NBPF20: variants seen among roughly 807,000 people sequenced by gnomAD.
The protein encoded by NBPF20 is NBPF family member NBPF20.
In NBPF20, 90 loss-of-function variants were observed where a neutral mutation model predicts 68.1. The ratio of observed to expected loss-of-function variants is 1.32; its 90% CI spans 1.11 to 1.58. The LOEUF is 1.58. Among genes scored for constraint, NBPF20 ranks in the 40% most tolerant of loss-of-function variants. The pLI is 0.00. For missense variants in NBPF20, 816 were observed against 601.2 expected (o/e 1.36, Z -3.74); for synonymous variants, 290 against 228.1 (o/e 1.27, Z -2.45).
intron 9 of NBPF20, 44 bp from the exon 15 acceptor site, chr1:145,393,290 G>C: frequency 3.0e-6 from 2 of 668,802 alleles, no homozygotes; most frequent in Non-Finnish European, 5.4e-6. Flanking sequence ...GGGGGAATCA[G>C]AAACCACACA....
intron 7 of NBPF20, among the ~76,000 whole-genome samples, chr1:145,398,396 T>A (rs1355543623): frequency 6.6e-6 from 1 of 151,668 alleles, no homozygotes; most frequent in Non-Finnish European, 1.5e-5. Flanking sequence ...CACAGTGCAA[T>A]CAAATTAGAA....
exon 112 of NBPF20, chr1:145,312,214 T>C (rs1661503389): frequency 6.7e-6 from 1 of 148,454 alleles, no homozygotes; most frequent in Non-Finnish European, 1.1e-5. Flanking sequence ...TCACCATCCA[T>C]GTCAACAGCC....
chr1:145,410,476 G>A (rs1211254956), upstream of NBPF20, among the ~76,000 whole-genome samples: 3 of 150,648 alleles, frequency 2.0e-5, no homozygotes, highest in South Asian at 2.1e-4. Flanking sequence ...CACTACGCCC[G>A]GCTATTTTTT....
exon 10 of NBPF20, chr1:145,393,225 A>C: frequency 1.6e-6 from 1 of 621,850 alleles, no homozygotes. Flanking sequence ...GCCCTTTCTC[A>C]TCCAGCAGCT....
chr1:145,419,113 G>C, the NBPF20 span, among the ~76,000 whole-genome samples: 1 of 129,720 alleles, frequency 7.7e-6, no homozygotes, highest in African/African-American at 3.1e-5. Flanking sequence ...GGGAGGGAGG[G>C]AGGGAGGCAG....
chr1:145,421,541 A>G, the NBPF20 span, among the ~76,000 whole-genome samples: 1 of 152,094 alleles, frequency 6.6e-6, no homozygotes, highest in Non-Finnish European at 1.5e-5. Flanking sequence ...TATTTATTCA[A>G]TATCTGTTTC....
At chr1:145,405,859 TA>T (rs1478406583), upstream of NBPF20, 1 of 210,226 alleles carries the variant, frequency 4.8e-6, no homozygotes, top group Non-Finnish European at 9.5e-6. Context: ...TTCTTAATGG[TA>T]GTCATGAAGT....
Position 145,291,779 on chromosome 1 carries a change from G to A in NBPF20, c.16698-10C>T, listed in dbSNP as rs782762868. On this transcript the variant is annotated splice_polypyrimidine_tract_variant and intron_variant, in intron 137 of 137. Transcript: ENST00000369373. The stretch of plus-strand genomic sequence containing the variant: ...CAGCACGCCGTTGAGCCTGGAAAAG[G>A]AGACAAAACTAAAGAAGCAGCCAGG... 7 of 1,611,784 alleles carry A rather than the reference G, an allele frequency of 4.3e-6. No homozygotes were observed. The highest frequency in any genetic ancestry group is 4.0e-5 in the African/African-American group (3 of 74,760).
chr1:145,402,807 T>G (rs1331194442), intron 3 of NBPF20, among the ~76,000 whole-genome samples: 6 of 149,932 alleles, frequency 4.0e-5, no homozygotes, highest in South Asian at 2.2e-4. Context: ...AAGAAAAGAA[T>G]GACAGGGTCG....
At chr1:145,295,886 T>A in intron 132 of NBPF20, 1 of 8,198 alleles carries the variant, frequency 1.2e-4, no homozygotes, top group Non-Finnish European at 1.8e-4. Context: ...TATGCCATAT[T>A]TTTCCAATCG....
At chr1:145,334,701 CA>C (rs1661550822) in intron 83 of NBPF20, 70 bp from the exon 89 acceptor site, 1 of 398,536 alleles carries the variant, frequency 2.5e-6, no homozygotes, top group Admixed American at 3.9e-5. Context: ...AGCTAGATTT[CA>C]TGGCTAACAT....
At chr1:145,403,128 G>C in intron 3 of NBPF20, 88 bp downstream of exon 8, 1 of 1,487,246 alleles carries the variant, frequency 6.7e-7, no homozygotes. Flanking sequence ...CCCTGGCCCA[G>C]CTTAGCTCTT....
intron 2 of NBPF20, among the ~76,000 whole-genome samples, chr1:145,404,660 A>C (rs1662684695): frequency 6.6e-6 from 1 of 152,194 alleles, no homozygotes; most frequent in African/African-American, 2.4e-5. Flanking sequence ...ACTATCACCA[A>C]GTTTCCCTCA....
At chr1:145,291,996 G>C (rs587767343) in intron 137 of NBPF20, among the ~76,000 whole-genome samples, 3 of 149,944 alleles carry the variant, frequency 2.0e-5, no homozygotes, top group Admixed American at 1.3e-4. Context: ...GAGAGAGAGA[G>C]AAAGTGACCT....
At chr1:145,393,753 C>A in intron 9 of NBPF20, 131 bp downstream of exon 14, 1 of 1,511,798 alleles carries the variant, frequency 6.6e-7, no homozygotes. Context: ...AACCAGAAAG[C>A]AATGTAGTAG....
upstream of NBPF20, among the ~76,000 whole-genome samples, chr1:145,408,496 C>G (rs1342448991): frequency 2.6e-5 from 4 of 151,874 alleles, no homozygotes; most frequent in African/African-American, 9.7e-5. Flanking sequence ...ATACTTACAC[C>G]ATTACTACTG....
the NBPF20 span, among the ~76,000 whole-genome samples, chr1:145,411,053 C>A: frequency 6.9e-6 from 1 of 145,948 alleles, no homozygotes; most frequent in Non-Finnish European, 1.5e-5. Flanking sequence ...ATTTTCATAG[C>A]TGTAGAGTAA....
chr1:145,411,346 T>C, the NBPF20 span, among the ~76,000 whole-genome samples: 6 of 151,302 alleles, frequency 4.0e-5, no homozygotes, highest in African/African-American at 1.5e-4. Context: ...TAGTTTTTGG[T>C]GTACTGGCCT....
At position 145,296,118 on chromosome 1, in the gene NBPF20, C is replaced by G; in HGVS notation, c.16138+220G>C. On this transcript the variant is annotated intron_variant, in intron 132 of 137. Coordinates refer to ENST00000369373, the Ensembl canonical transcript of NBPF20. ...CATCATGAGAGTAGGATTAGGGCGC[C>G]ACAGGCATGGCCTGAGACTAGGAAG... is the stretch of plus-strand genomic sequence containing the variant. 3.9e-5 allele frequency: 2 copies of G among 50,970 alleles called. 1 individual carries two copies. The highest frequency in any genetic ancestry group is 6.3e-5 in the Non-Finnish European group (2 of 31,968). 3.2% of individuals were successfully genotyped at this position (50,970 alleles called of 1,614,324 possible). A position where few individuals can be genotyped will look rare whatever the true frequency, so the allele number is the denominator to read the frequency against.
Sources: allele counts gnomAD v4.1 joint callset (sites outside exome capture counted in the v4.1 genomes callset), GRCh38; gene constraint gnomAD v4.1.1; transcripts MANE v1.5; gene names NCBI Gene and HGNC (gene_info 2026-07-23, HGNC 2026-07-21).